SEPTIN11: variants seen among roughly 807,000 people sequenced by gnomAD.
The protein encoded by SEPTIN11 is septin 11.
SEPTIN11 carries 25 observed loss-of-function variants against 51.4 expected under a neutral mutation model. That is an observed-to-expected ratio of 0.49 (90% CI 0.35 to 0.68). SEPTIN11 has a LOEUF of 0.68. SEPTIN11 is among the 30% of genes least tolerant of loss of function. The pLI, the probability that SEPTIN11 is intolerant of heterozygous loss-of-function variation, is 0.00. For synonymous variants in SEPTIN11, 174 were observed against 184.1 expected (o/e 0.95, Z 0.44); for missense variants, 381 against 520.8 (o/e 0.73, Z 2.61).
At chr4:77,027,556 G>A (rs563896591) in intron 7 of SEPTIN11, among the ~76,000 whole-genome samples, 27 of 152,330 alleles carry the variant, frequency 1.8e-4, no homozygotes, top group African/African-American at 6.0e-4. Flanking sequence ...AGATGTAAAT[G>A]ATATGTGGTG....
chr4:76,983,764 C>T (rs1310476045), intron 1 of SEPTIN11, among the ~76,000 whole-genome samples: 1 of 152,172 alleles, frequency 6.6e-6, no homozygotes, highest in Admixed American at 6.5e-5. Flanking sequence ...AATCCCAGCA[C>T]TTTGGGAGGC....
rs1042158853 is a variant in SEPTIN11, at chr4:76,949,823, C to T, written c.-81C>T. On this transcript the variant is annotated 5_prime_UTR_variant, in exon 1 of 10. Transcript: ENST00000264893. ...AGCCGCGAGGGAGGCGCGAGGGAGG[C>T]GAGCCGGAGCCCGAGCACTAGCAGC... is the stretch of plus-strand genomic sequence containing the variant. The T allele has an allele frequency of 1.4e-6, 2 of 1,439,886 alleles. No homozygotes were observed. Among genetic ancestry groups the T allele is most frequent in the East Asian group, 2.8e-5 (1 of 35,612 alleles). The allele number at this position is 1,439,886 out of a possible 1,614,324, so 89.2% of individuals were successfully genotyped here.
chr4:77,008,067 C>T (rs1724614191), intron 3 of SEPTIN11, among the ~76,000 whole-genome samples: 1 of 152,178 alleles, frequency 6.6e-6, no homozygotes, highest in South Asian at 2.1e-4. Flanking sequence ...TATTATCTGC[C>T]TCAGACCAGG....
chr4:77,020,732 A>G (rs1725661447), intron 7 of SEPTIN11, 62 bp downstream of exon 7: 32 of 1,477,732 alleles, frequency 2.2e-5, no homozygotes, highest in Non-Finnish European at 2.9e-5. Context: ...ATGGTGGTAC[A>G]TCACAGAAAT....
chr4:76,994,900 CTTTTTT>C (rs55728971), intron 1 of SEPTIN11, among the ~76,000 whole-genome samples: 2 of 54,856 alleles, frequency 3.6e-5, no homozygotes, highest in African/African-American at 1.3e-4. Context: ...CTGTACAAAG[CTTTTTT>C]TTTTTTTTTT....
intron 1 of SEPTIN11, among the ~76,000 whole-genome samples, chr4:76,958,492 T>C (rs1378892624): frequency 6.6e-6 from 1 of 152,222 alleles, no homozygotes; most frequent in African/African-American, 2.4e-5. Flanking sequence ...TTCCCAGGAC[T>C]CACATGCATG....
intron 7 of SEPTIN11, among the ~76,000 whole-genome samples, chr4:77,026,639 T>C (rs1726164369): frequency 6.6e-6 from 1 of 152,134 alleles, no homozygotes; most frequent in Middle Eastern, 3.4e-3. Flanking sequence ...TTTCTTGAAA[T>C]TGGTGGTCTC....
Position 77,034,479 on chromosome 4 carries a change from T to C in SEPTIN11, c.1275-18T>C, listed in dbSNP as rs1726892806. On this transcript the variant is annotated intron_variant, in intron 9 of 9. Transcript: ENST00000264893. ...TATTATTATTTCTAACTTTTTTGTTTTGTTTTTTAACTTGCAGTGCAAGCT... is the reference window on the plus strand; with the variant it reads ...TATTATTATTTCTAACTTTTTTGTTCTGTTTTTTAACTTGCAGTGCAAGCT... 3 of 1,527,080 alleles carry C rather than the reference T, an allele frequency of 2.0e-6. No individual in the cohort carries two copies. The highest frequency in any genetic ancestry group is 1.8e-6 in the Non-Finnish European group (2 of 1,142,686). 94.6% of individuals were successfully genotyped at this position (1,527,080 alleles called of 1,614,324 possible).
chr4:77,017,357 TTGC>T (rs1373425665), intron 5 of SEPTIN11, among the ~76,000 whole-genome samples: 2 of 152,230 alleles, frequency 1.3e-5, no homozygotes, highest in Non-Finnish European at 2.9e-5. Context: ...CAAACTATTC[TTGC>T]TGATCAAATT....
chr4:77,019,825 T>C (rs961321900), intron 6 of SEPTIN11, among the ~76,000 whole-genome samples: 1 of 152,226 alleles, frequency 6.6e-6, no homozygotes, highest in South Asian at 2.1e-4. Context: ...TCCAGTGCTA[T>C]GGATTAAGCA....
At chr4:77,038,875 G>A (rs760434392), downstream of SEPTIN11, among the ~76,000 whole-genome samples, 15 of 151,986 alleles carry the variant, frequency 9.9e-5, no homozygotes, top group Non-Finnish European at 2.2e-4. Flanking sequence ...GTGCCTTGGT[G>A]CCCAGCTGAG....
At chr4:76,959,924 A>G (rs1721756070) in intron 1 of SEPTIN11, among the ~76,000 whole-genome samples, 1 of 152,202 alleles carries the variant, frequency 6.6e-6, no homozygotes, top group African/African-American at 2.4e-5. Context: ...GCAGGCATGC[A>G]ATGTGTAATA....
chr4:76,986,172 T>C (rs982203822), intron 1 of SEPTIN11, among the ~76,000 whole-genome samples: 1 of 151,532 alleles, frequency 6.6e-6, no homozygotes, highest in African/African-American at 2.4e-5. Flanking sequence ...AGGGTGGAGG[T>C]CTATAACTGT....
intron 1 of SEPTIN11, among the ~76,000 whole-genome samples, chr4:76,957,002 GAGAGACAGAGAC>G (rs1247602003): frequency 1.2e-5 from 1 of 81,188 alleles, no homozygotes; most frequent in Non-Finnish European, 3.1e-5. Context: ...GTGAGAGAGA[GAGAGACAGAGAC>G]AGAGACAGAG....
chr4:76,970,956 C>A (rs923534907), intron 1 of SEPTIN11, among the ~76,000 whole-genome samples: 2 of 152,190 alleles, frequency 1.3e-5, no homozygotes, highest in Non-Finnish European at 2.9e-5. Context: ...GATGAAAGTT[C>A]TAGAAATAAT....
At chr4:76,979,321 A>G (rs935281586) in intron 1 of SEPTIN11, among the ~76,000 whole-genome samples, 2 of 152,224 alleles carry the variant, frequency 1.3e-5, no homozygotes, top group African/African-American at 4.8e-5. Context: ...CTTAGTGAAG[A>G]AAGTGGCATT....
chr4:77,020,533 A>T lies in SEPTIN11; in HGVS notation c.816A>T (p.Lys272Asn). The T allele has an allele frequency of 6.2e-7, 1 of 1,613,888 alleles. No homozygotes were observed. Among genetic ancestry groups the T allele is most frequent in the Admixed American group, 1.7e-5 (1 of 59,984 alleles). The change falls in exon 7 of 10, where the codon AAA (lysine) becomes AAT (asparagine). Residue 272 changes from lysine (K) to asparagine (N), a missense_variant. Physicochemically the swap from Lys to Asn is moderately conservative, Grantham distance 94 (BLOSUM62 0). Around this residue, in one of 2 missense-constraint regions of SEPTIN11, gnomAD observed 197 missense variants for 313.1 expected, o/e 0.63. Coordinates refer to ENST00000264893, the MANE Select transcript of SEPTIN11 (RefSeq NM_018243.4). ...ATGAAAATCATTGCGATTTTGTGAA[A>T]CTTCGAGAGATGCTGATCCGCGTGA... ...VENENHCDFV[K>N]LREMLIRVNM...
chr4:76,966,603 G>T (rs1722044313), intron 1 of SEPTIN11, among the ~76,000 whole-genome samples: 1 of 152,106 alleles, frequency 6.6e-6, no homozygotes, highest in Non-Finnish European at 1.5e-5. Flanking sequence ...GCTCACACCT[G>T]TAATTCCCAG....
At chr4:77,010,735 A>C (rs993795054) in intron 3 of SEPTIN11, among the ~76,000 whole-genome samples, 1 of 152,178 alleles carries the variant, frequency 6.6e-6, no homozygotes, top group African/African-American at 2.4e-5. Flanking sequence ...TATTTTTCTT[A>C]AAACTTGTAT....
Sources: gnomAD v4.1 joint callset for allele counts (sites outside exome capture counted in the v4.1 genomes callset) on GRCh38, gnomAD v4.1.1 for gene constraint, gnomAD v4.1.1 regional missense constraint, MANE v1.5 for transcripts, NCBI Gene and HGNC (gene_info 2026-07-23, HGNC 2026-07-21) for gene names.